SEMA3A: variants seen among roughly 807,000 people sequenced by gnomAD.
SEMA3A encodes the protein semaphorin 3A, also known as semaphorin-3A.
A neutral mutation model predicts 97.9 loss-of-function variants in SEMA3A; 29 were observed. The observed-to-expected ratio is 0.30, with a 90% CI of 0.22 to 0.40. The LOEUF (loss-of-function observed/expected upper bound fraction) is 0.40. SEMA3A is among the 10% of genes least tolerant of loss of function. The pLI, the probability that SEMA3A is intolerant of heterozygous loss-of-function variation, is 1.00. For missense variants in SEMA3A, 763 were observed against 951.3 expected, an observed-to-expected ratio of 0.80 and a Z score of 2.60; for synonymous variants, 321 against 323.7, an observed-to-expected ratio of 0.99 and a Z score of 0.09.
At position 84,099,108 on chromosome 7, in the gene SEMA3A, TCGCCCAGGCTGG is replaced by T. The variant is rs1794869128; in HGVS notation, c.453+11350_453+11361del. Among the ~76,000 whole-genome samples the T allele has an allele frequency of 3.9e-5, 2 of 51,684 alleles. 1 individual carries two copies. The highest frequency in any genetic ancestry group is 1.3e-4 in the Non-Finnish European group (2 of 15,484). The allele number at this position is 51,684 out of a possible 152,430, so 33.9% of individuals were successfully genotyped here. ...TTTTTTGAGACGGAGTCTCGCTCTG[TCGCCCAGGCTGG>T]AGTGCAGTGGCGCGATCTCGGCTCA... On this transcript the variant is annotated intron_variant, in intron 4 of 16. Transcript: ENST00000265362.
chr7:84,028,111 G>C (rs1295673467), intron 6 of SEMA3A, among the ~76,000 whole-genome samples: 1 of 152,156 alleles, frequency 6.6e-6, no homozygotes, highest in Non-Finnish European at 1.5e-5. Flanking sequence ...TGAATGGAGA[G>C]AGGAGTGATT....
At chr7:84,436,920 T>C (rs1805146733) in intron 1 of SEMA3A, among the ~76,000 whole-genome samples, 1 of 152,140 alleles carries the variant, frequency 6.6e-6, no homozygotes, top group Admixed American at 6.5e-5. Flanking sequence ...CAATGAAAAA[T>C]TACTTTTTTC....
chr7:84,106,089 G>A (rs1583975809), intron 4 of SEMA3A, among the ~76,000 whole-genome samples: 1 of 152,170 alleles, frequency 6.6e-6, no homozygotes, highest in Non-Finnish European at 1.5e-5. Flanking sequence ...CATACTGTGT[G>A]TGGTCAGGAG....
At chr7:84,214,745 C>A (rs1275199255) in intron 3 of SEMA3A, among the ~76,000 whole-genome samples, 1 of 148,682 alleles carries the variant, frequency 6.7e-6, no homozygotes, top group East Asian at 2.0e-4. Context: ...GTCGCCCAGG[C>A]TGGAGTGCAG....
chr7:84,272,009 C>T (rs1800163594), intron 3 of SEMA3A, among the ~76,000 whole-genome samples: 2 of 152,010 alleles, frequency 1.3e-5, no homozygotes, highest in South Asian at 4.1e-4. Flanking sequence ...ATGCTATAAG[C>T]TCCTTATAGC....
chr7:84,488,807 T>A (rs1806648653), intron 1 of SEMA3A, among the ~76,000 whole-genome samples: 1 of 152,178 alleles, frequency 6.6e-6, no homozygotes, highest in African/African-American at 2.4e-5. Context: ...AACCAACTAT[T>A]TACGCTTTAT....
intron 3 of SEMA3A, among the ~76,000 whole-genome samples, chr7:84,271,982 C>T (rs1373041914): frequency 2.6e-5 from 4 of 151,908 alleles, no homozygotes; most frequent in South Asian, 4.1e-4. Context: ...TACTTGCCAC[C>T]GTCTGTTTTT....
intron 2 of SEMA3A, among the ~76,000 whole-genome samples, chr7:84,337,881 C>A (rs1352046924): frequency 6.6e-6 from 1 of 151,986 alleles, no homozygotes. Flanking sequence ...TGTTTCTCAA[C>A]AATAAATTTC....
intron 2 of SEMA3A, among the ~76,000 whole-genome samples, chr7:84,351,804 C>A (rs1802444251): frequency 6.6e-6 from 1 of 151,936 alleles, no homozygotes. Context: ...CGGAGTATAA[C>A]ATTATGGAGG....
chr7:84,079,062 A>C lies in SEMA3A; in HGVS notation c.454-18504T>G, dbSNP rs1170885598. Reference sequence around the variant, plus strand: ...ATAAATAATTTCTCTCACTGGTAAAAAATTTTTGTCTAGAGATCAAGACAT... The same window carrying C: ...ATAAATAATTTCTCTCACTGGTAAACAATTTTTGTCTAGAGATCAAGACAT... On this transcript the variant is annotated intron_variant, in intron 4 of 16. Transcript: ENST00000265362. Among the ~76,000 whole-genome samples the C allele has an allele frequency of 3.3e-5, 5 of 150,264 alleles. No homozygotes were observed. In the South Asian group the frequency reaches 8.3e-4, roughly 25 times the overall value.
intron 1 of SEMA3A, among the ~76,000 whole-genome samples, chr7:84,188,801 A>G (rs1279591729): frequency 2.0e-5 from 3 of 151,914 alleles, no homozygotes; most frequent in Non-Finnish European, 4.4e-5. Flanking sequence ...ACTTAGAAAT[A>G]TTTAGTTTTT....
intron 3 of SEMA3A, among the ~76,000 whole-genome samples, chr7:84,238,163 T>G (rs1335118500): frequency 6.6e-6 from 1 of 152,044 alleles, no homozygotes; most frequent in African/African-American, 2.4e-5. Flanking sequence ...GCCTCCCAGG[T>G]TCAAGGGATC....
At chr7:83,978,900 A>T (rs1004969784) in intron 14 of SEMA3A, among the ~76,000 whole-genome samples, 1 of 152,212 alleles carries the variant, frequency 6.6e-6, no homozygotes, top group Non-Finnish European at 1.5e-5. Context: ...AAGGCATAAC[A>T]AAAATGTGCT....
chr7:84,298,794 A>G (rs1800927564), intron 3 of SEMA3A, among the ~76,000 whole-genome samples: 1 of 152,152 alleles, frequency 6.6e-6, no homozygotes, highest in Non-Finnish European at 1.5e-5. Flanking sequence ...GGTGTTGCCA[A>G]AGGAGATTAA....
At chr7:84,414,081 T>G (rs2116258430) in intron 1 of SEMA3A, among the ~76,000 whole-genome samples, 1 of 152,282 alleles carries the variant, frequency 6.6e-6, no homozygotes, top group South Asian at 2.1e-4. Flanking sequence ...TAATAATATT[T>G]GTGGCTTAAC....
At chr7:84,292,980 G>A (rs751852424) in intron 3 of SEMA3A, among the ~76,000 whole-genome samples, 31 of 151,980 alleles carry the variant, frequency 2.0e-4, no homozygotes, top group Middle Eastern at 6.3e-3. Flanking sequence ...TTACATGTTT[G>A]TTGCATTACA....
intron 6 of SEMA3A, among the ~76,000 whole-genome samples, chr7:84,027,996 A>C (rs1791609377): frequency 6.6e-6 from 1 of 152,200 alleles, no homozygotes; most frequent in Non-Finnish European, 1.5e-5. Flanking sequence ...AAATACAAGT[A>C]TTCTTTCTGA....
At chr7:84,461,556 G>T (rs895401212) in intron 1 of SEMA3A, among the ~76,000 whole-genome samples, 1 of 150,800 alleles carries the variant, frequency 6.6e-6, no homozygotes, top group Non-Finnish European at 1.5e-5. Flanking sequence ...ATAATATTTT[G>T]TGCATTATAA....
intron 1 of SEMA3A, among the ~76,000 whole-genome samples, chr7:84,406,314 T>A (rs1324968110): frequency 1.3e-5 from 2 of 152,114 alleles, no homozygotes; most frequent in Non-Finnish European, 2.9e-5. Context: ...ATGGATAAAT[T>A]CCTTGACACA....
Sources: gnomAD v4.1 joint callset for allele counts (sites outside exome capture counted in the v4.1 genomes callset) on GRCh38, gnomAD v4.1.1 for gene constraint, MANE v1.5 for transcripts, NCBI Gene and HGNC (gene_info 2026-07-23, HGNC 2026-07-21) for gene names.